The following NXPE2 variants were observed in gnomAD, a reference collection of about 807,000 sequenced individuals.
The protein encoded by NXPE2 is neurexophilin and PC-esterase domain family member 2.
In NXPE2, 34 loss-of-function variants were observed where a neutral mutation model predicts 34.4. That is an observed-to-expected ratio of 0.99 (90% CI 0.75 to 1.31). NXPE2 has a LOEUF of 1.31. Ranked by LOEUF, NXPE2 falls within the 40% of genes most tolerant of loss-of-function variation. The probability of loss-of-function intolerance (pLI) is 0.00; values close to 1 mark genes in which losing one functional copy is unlikely to be tolerated. For missense variants in NXPE2, 649 were observed against 672.5 expected (o/e 0.97, Z 0.39); for synonymous variants, 235 against 231.3 (o/e 1.02, Z -0.15).
the NXPE2 span, chr11:114,551,078 T>C: frequency 1.6e-6 from 2 of 1,274,400 alleles, no homozygotes; most frequent in Non-Finnish European, 2.2e-6. Context: ...CTGTGTGATC[T>C]GCATCAAAGG....
the NXPE2 span, among the ~76,000 whole-genome samples, chr11:114,661,487 T>C: frequency 6.6e-6 from 1 of 152,204 alleles, no homozygotes; most frequent in Non-Finnish European, 1.5e-5. Flanking sequence ...CTGTTTTGTC[T>C]GCATTGTCAT....
chr11:114,561,042 T>C, the NXPE2 span, among the ~76,000 whole-genome samples: 3 of 152,214 alleles, frequency 2.0e-5, no homozygotes, highest in East Asian at 1.9e-4. Flanking sequence ...AACCTTCATA[T>C]TTGTCATGTG....
the NXPE2 span, among the ~76,000 whole-genome samples, chr11:114,546,492 G>A: frequency 5.3e-5 from 8 of 150,746 alleles, no homozygotes; most frequent in African/African-American, 7.3e-5. Flanking sequence ...TTTAGAGATG[G>A]GGTTTTGCTA....
chr11:114,805,055 A>G, the NXPE2 span, among the ~76,000 whole-genome samples: 2 of 152,060 alleles, frequency 1.3e-5, no homozygotes, highest in African/African-American at 4.8e-5. Flanking sequence ...TGTAGCTGCT[A>G]AGGAGGTAGT....
the NXPE2 span, among the ~76,000 whole-genome samples, chr11:114,535,898 A>C: frequency 1.3e-4 from 20 of 152,102 alleles, no homozygotes; most frequent in African/African-American, 2.2e-4. Context: ...ACAAGGATAT[A>C]CAGGAATTGA....
At chr11:114,588,173 C>A in the NXPE2 span, among the ~76,000 whole-genome samples, 1 of 152,148 alleles carries the variant, frequency 6.6e-6, no homozygotes, top group Non-Finnish European at 1.5e-5. Context: ...CCAGGCCCTT[C>A]TTGTCCTCCC....
At chr11:114,601,682 G>T in the NXPE2 span, among the ~76,000 whole-genome samples, 21,041 of 29,594 alleles carry the variant, frequency 0.71, 8,653 homozygotes, top group African/African-American at 0.82. Flanking sequence ...TATAATTATA[G>T]ATTATATATA....
At chr11:114,754,942 C>T in the NXPE2 span, among the ~76,000 whole-genome samples, 21 of 152,278 alleles carry the variant, frequency 1.4e-4, no homozygotes, top group African/African-American at 5.1e-4. Context: ...TATTAAACAA[C>T]CAGCATGGCT....
At chr11:114,565,616 G>A in the NXPE2 span, among the ~76,000 whole-genome samples, 1 of 152,112 alleles carries the variant, frequency 6.6e-6, no homozygotes, top group African/African-American at 2.4e-5. Context: ...AGAGTAATAG[G>A]GAGTTGGAGT....
At chr11:114,582,128 A>G in the NXPE2 span, among the ~76,000 whole-genome samples, 1 of 152,366 alleles carries the variant, frequency 6.6e-6, no homozygotes, top group Non-Finnish European at 1.5e-5. Flanking sequence ...GGATTACTAG[A>G]GAATGGGCAC....
the NXPE2 span, among the ~76,000 whole-genome samples, chr11:114,660,372 G>T: frequency 4.6e-5 from 7 of 151,828 alleles, no homozygotes; most frequent in Non-Finnish European, 8.8e-5. Context: ...CAAAGTATTA[G>T]CAAATTAAAT....
intron 2 of NXPE2, among the ~76,000 whole-genome samples, chr11:114,688,812 T>G (rs765252902): frequency 2.0e-5 from 3 of 152,148 alleles, no homozygotes; most frequent in Non-Finnish European, 4.4e-5. Flanking sequence ...TCTTCCTGGT[T>G]TAATTGTAAG....
the NXPE2 span, among the ~76,000 whole-genome samples, chr11:114,654,776 AAT>A: frequency 6.6e-6 from 1 of 152,264 alleles, no homozygotes; most frequent in African/African-American, 2.4e-5. Flanking sequence ...TGCTGCAATA[AAT>A]ATATGTGTGC....
intron 2 of NXPE2, among the ~76,000 whole-genome samples, chr11:114,697,326 G>T (rs1316875614): frequency 2.0e-5 from 3 of 152,252 alleles, no homozygotes; most frequent in South Asian, 4.2e-4. Flanking sequence ...GAAATAAGCT[G>T]TCTACAAGCC....
chr11:114,761,998 A>C, the NXPE2 span, among the ~76,000 whole-genome samples: 1 of 152,272 alleles, frequency 6.6e-6, no homozygotes, highest in African/African-American at 2.4e-5. Context: ...CAAGGTACTT[A>C]AGATCTCATG....
chr11:114,528,882 A>C, the NXPE2 span: 1 of 615,110 alleles, frequency 1.6e-6, no homozygotes, highest in East Asian at 2.8e-5. Flanking sequence ...GGATTTAGGC[A>C]TAAGGATGGT....
chr11:114,673,945 T>C (rs1418422355), upstream of NXPE2, among the ~76,000 whole-genome samples: 2 of 151,736 alleles, frequency 1.3e-5, no homozygotes, highest in Non-Finnish European at 2.9e-5. Context: ...AATCTCACCA[T>C]GACAATGTCA....
the NXPE2 span, among the ~76,000 whole-genome samples, chr11:114,734,791 G>A: frequency 6.6e-6 from 1 of 152,138 alleles, no homozygotes; most frequent in African/African-American, 2.4e-5. Flanking sequence ...GGCCATTTCT[G>A]TGAATATACT....
At chr11:114,512,107 A>G in the NXPE2 span, among the ~76,000 whole-genome samples, 59 of 152,268 alleles carry the variant, frequency 3.9e-4, 1 homozygote, top group Admixed American at 2.6e-3. Context: ...TTTTTTTGGT[A>G]TAGTTGATGC....
Sources: gnomAD v4.1 joint callset for allele counts (sites outside exome capture counted in the v4.1 genomes callset) on GRCh38, gnomAD v4.1.1 for gene constraint, MANE v1.5 for transcripts, NCBI Gene and HGNC (gene_info 2026-07-23, HGNC 2026-07-21) for gene names.